The following ANGPT1 variants were observed in gnomAD, a reference collection of about 807,000 sequenced individuals.
ANGPT1 encodes the protein angiopoietin-1.
Under a neutral mutation model 62.2 loss-of-function variants are expected in ANGPT1, and 17 were observed. The ratio of observed to expected loss-of-function variants is 0.27; its 90% CI spans 0.19 to 0.41. ANGPT1 has a LOEUF of 0.41. Ranked by LOEUF, ANGPT1 falls within the 10% of genes least tolerant of loss-of-function variation. The pLI, the probability that ANGPT1 is intolerant of heterozygous loss-of-function variation, is 1.00. For synonymous variants in ANGPT1, 199 were observed against 198.9 expected (o/e 1.00, Z 0.00); for missense variants, 478 against 594.9 (o/e 0.80, Z 2.04).
chr8:107,344,990 C>T (rs1175629288), intron 2 of ANGPT1, among the ~76,000 whole-genome samples: 1 of 152,104 alleles, frequency 6.6e-6, no homozygotes, highest in Non-Finnish European at 1.5e-5. Flanking sequence ...CGAGGGTATA[C>T]ATTTACATAT....
intron 1 of ANGPT1, among the ~76,000 whole-genome samples, chr8:107,379,878 G>T (rs919814445): frequency 6.6e-6 from 1 of 152,062 alleles, no homozygotes; most frequent in African/African-American, 2.4e-5. Context: ...TTAAGAAAAA[G>T]AACATTATGT....
In ANGPT1 at chr8:107,368,463, T is replaced by C. The variant is rs80270457; in HGVS notation, c.298-21366A>G. Among the ~76,000 whole-genome samples the C allele has an allele frequency of 6.1e-5, 9 of 147,336 alleles. No individual in the cohort carries two copies. The East Asian group carries it at 1.9e-3, about 30-fold the overall frequency. On this transcript the variant is annotated intron_variant, in intron 1 of 8. Transcript: ENST00000517746. ...GTTAGTAAATGAGTATTCCTTATACTTATTTATAAGTATATTCCTTATACT... is the reference window on the plus strand; with the variant it reads ...GTTAGTAAATGAGTATTCCTTATACCTATTTATAAGTATATTCCTTATACT...
intron 1 of ANGPT1, among the ~76,000 whole-genome samples, chr8:107,456,433 G>A (rs184531566): frequency 1.3e-5 from 2 of 152,112 alleles, no homozygotes; most frequent in East Asian, 3.9e-4. Context: ...GGTCATAAGC[G>A]TTTTGACTTA....
At chr8:107,463,383 C>T (rs149409236) in intron 1 of ANGPT1, among the ~76,000 whole-genome samples, 450 of 152,218 alleles carry the variant, frequency 3.0e-3, no homozygotes, top group Non-Finnish European at 5.5e-3. Flanking sequence ...TCCTGAACCA[C>T]AGAAATTGTC....
At chr8:107,434,037 A>G (rs964422979) in intron 1 of ANGPT1, among the ~76,000 whole-genome samples, 1 of 152,230 alleles carries the variant, frequency 6.6e-6, no homozygotes, top group Non-Finnish European at 1.5e-5. Flanking sequence ...TATCATACTC[A>G]GTGAGTCAAA....
At chr8:107,303,532 T>C (rs1257366658) in intron 4 of ANGPT1, among the ~76,000 whole-genome samples, 165 bp from the exon 5 acceptor site, 1 of 150,676 alleles carries the variant, frequency 6.6e-6, no homozygotes, top group Non-Finnish European at 1.5e-5. Context: ...TTGAGGTAGC[T>C]TACAAAATTA....
At chr8:107,387,854 C>G (rs1816761351) in intron 1 of ANGPT1, among the ~76,000 whole-genome samples, 3 of 151,892 alleles carry the variant, frequency 2.0e-5, no homozygotes, top group African/African-American at 7.3e-5. Flanking sequence ...CTTTTCCCCA[C>G]AACTTTAAAA....
intron 1 of ANGPT1, among the ~76,000 whole-genome samples, chr8:107,479,857 G>A (rs925158444): frequency 6.6e-6 from 1 of 152,060 alleles, no homozygotes; most frequent in Non-Finnish European, 1.5e-5. Flanking sequence ...CTATTCTGTA[G>A]ATATAAAAAT....
intron 1 of ANGPT1, among the ~76,000 whole-genome samples, chr8:107,372,989 C>A (rs978804481): frequency 4.6e-5 from 7 of 152,020 alleles, no homozygotes. Context: ...CTATTACCTG[C>A]AATTAAAATG....
intron 2 of ANGPT1, among the ~76,000 whole-genome samples, chr8:107,343,566 G>A (rs1815741231): frequency 6.6e-6 from 1 of 152,158 alleles, no homozygotes; most frequent in Non-Finnish European, 1.5e-5. Flanking sequence ...GTGAGCACTG[G>A]TCAATTATAC....
At chr8:107,290,602 C>T (rs1361333630) in intron 6 of ANGPT1, among the ~76,000 whole-genome samples, 1 of 152,128 alleles carries the variant, frequency 6.6e-6, no homozygotes, top group Admixed American at 6.6e-5. Context: ...TGTGTTTTAA[C>T]CATCTTGTAA....
intron 5 of ANGPT1, among the ~76,000 whole-genome samples, chr8:107,299,398 T>C (rs1266942629): frequency 5.0e-4 from 39 of 78,610 alleles, no homozygotes; most frequent in African/African-American, 2.1e-3. Flanking sequence ...AGTGTATATA[T>C]ATATATATAT....
At chr8:107,270,965 A>G (rs369287463) in intron 7 of ANGPT1, among the ~76,000 whole-genome samples, 44 of 152,074 alleles carry the variant, frequency 2.9e-4, no homozygotes, top group African/African-American at 1.0e-3. Context: ...AAAACATTTT[A>G]AAAATATACA....
chr8:107,424,438 C>A (rs1462900453), intron 1 of ANGPT1, among the ~76,000 whole-genome samples: 1 of 152,082 alleles, frequency 6.6e-6, no homozygotes, highest in East Asian at 1.9e-4. Flanking sequence ...AACTGTAACA[C>A]GAATGCAAAA....
intron 4 of ANGPT1, among the ~76,000 whole-genome samples, chr8:107,311,760 A>G (rs542476905): frequency 2.6e-5 from 4 of 152,300 alleles, no homozygotes; most frequent in African/African-American, 7.2e-5. Context: ...ATTACTACCT[A>G]AAGTAATCAA....
At chr8:107,460,804 C>T (rs1563632913) in intron 1 of ANGPT1, among the ~76,000 whole-genome samples, 1 of 152,140 alleles carries the variant, frequency 6.6e-6, no homozygotes, top group Non-Finnish European at 1.5e-5. Context: ...TCCTAACAGA[C>T]ATAATGCTTC....
intron 1 of ANGPT1, among the ~76,000 whole-genome samples, chr8:107,469,631 T>C (rs1180687322): frequency 6.6e-6 from 1 of 151,996 alleles, no homozygotes; most frequent in Non-Finnish European, 1.5e-5. Context: ...AAAAATATCA[T>C]TAATTATGTC....
chr8:107,424,279 A>T (rs1426317962), intron 1 of ANGPT1, among the ~76,000 whole-genome samples: 2 of 152,186 alleles, frequency 1.3e-5, no homozygotes, highest in Admixed American at 1.3e-4. Flanking sequence ...ACAATTGGAA[A>T]TTCAAATCCA....
intron 6 of ANGPT1, among the ~76,000 whole-genome samples, chr8:107,287,787 C>T (rs1292727920): frequency 6.6e-6 from 1 of 152,088 alleles, no homozygotes; most frequent in Non-Finnish European, 1.5e-5. Context: ...GTAGAAATAT[C>T]GACTTTGTTT....
Sources: gnomAD v4.1 joint callset for allele counts (sites outside exome capture counted in the v4.1 genomes callset) on GRCh38, gnomAD v4.1.1 for gene constraint, MANE v1.5 for transcripts, NCBI Gene and HGNC (gene_info 2026-07-23, HGNC 2026-07-21) for gene names.